The following MMP26 variants were observed in gnomAD, a reference collection of about 807,000 sequenced individuals.
MMP26 encodes matrix metalloproteinase-26.
In MMP26, 33 loss-of-function variants were observed where a neutral mutation model predicts 31.0. The ratio of observed to expected loss-of-function variants is 1.06; its 90% CI spans 0.81 to 1.42. MMP26 has a LOEUF of 1.42. Among genes scored for constraint, MMP26 ranks in the 40% most tolerant of loss-of-function variants. MMP26 has a pLI of 0.00. For synonymous variants in MMP26, 122 were observed against 114.9 expected (o/e 1.06, Z -0.40); for missense variants, 347 against 316.1 (o/e 1.10, Z -0.74).
chr11:4,800,509 T>C (rs1589904367), intron 2 of MMP26, among the ~76,000 whole-genome samples: 2 of 152,298 alleles, frequency 1.3e-5, no homozygotes, highest in South Asian at 2.1e-4. Flanking sequence ...TCTAGGCCTG[T>C]GGTGGGATGG....
chr11:4,853,863 G>A (rs1346911327), intron 2 of MMP26, among the ~76,000 whole-genome samples: 1 of 152,014 alleles, frequency 6.6e-6, no homozygotes, highest in Non-Finnish European at 1.5e-5. Context: ...TTTTCCTGAA[G>A]TAAATAGACA....
chr11:4,923,555 A>G (rs749366385), intron 2 of MMP26: 3 of 1,614,048 alleles, frequency 1.9e-6, no homozygotes, highest in African/African-American at 1.3e-5. Flanking sequence ...GCGATGCACA[A>G]GAGACAAGCC....
intron 1 of MMP26, among the ~76,000 whole-genome samples, chr11:4,716,664 T>TTTC (rs1847935128): frequency 2.4e-5 from 3 of 127,596 alleles, no homozygotes; most frequent in Non-Finnish European, 3.4e-5. Context: ...TTTTTTTTTT[T>TTTC]TTTTTTTTTT....
chr11:4,908,669 A>C (rs1850944977), intron 2 of MMP26: 1 of 311,308 alleles, frequency 3.2e-6, no homozygotes, highest in Non-Finnish European at 6.1e-6. Flanking sequence ...CTAATCTCAT[A>C]CTGTCAAGGA....
rs1846967634 is a variant in MMP26, at chr11:4,989,791, C to T, written c.243C>T (p.His81=). 6.2e-7 allele frequency: 1 copy of T among 1,613,732 alleles called. No homozygotes were observed. Among genetic ancestry groups the T allele is most frequent in the Non-Finnish European group, 8.5e-7 (1 of 1,180,040 alleles). The change falls in exon 4 of 8, where the codon CAC becomes CAT. Residue 81 remains histidine (H), a synonymous_variant. Coordinates refer to ENST00000380390, the MANE Select transcript of MMP26 (RefSeq NM_021801.5). ...MQMHALLHQP[H]CGVPDGSDTS... ...TGCATGCTCTGCTACACCAGCCCCA[C>T]TGTGGGGTGCCTGATGGGTCCGACA...
intron 1 of MMP26, among the ~76,000 whole-genome samples, chr11:4,751,505 T>C (rs1006613681): frequency 3.3e-5 from 5 of 152,044 alleles, no homozygotes; most frequent in African/African-American, 1.2e-4. Flanking sequence ...AACAGTAAAG[T>C]CCACCATGAA....
At chr11:4,918,809 A>AT (rs1851137792) in intron 2 of MMP26, among the ~76,000 whole-genome samples, 1 of 152,216 alleles carries the variant, frequency 6.6e-6, no homozygotes, top group Non-Finnish European at 1.5e-5. Context: ...ACACTTTGTG[A>AT]TCACTCAGGG....
intron 2 of MMP26, among the ~76,000 whole-genome samples, chr11:4,911,436 T>C (rs1421507809): frequency 6.6e-6 from 1 of 152,124 alleles, no homozygotes; most frequent in Non-Finnish European, 1.5e-5. Flanking sequence ...CCTATTAATT[T>C]TTACAGAAAT....
intron 2 of MMP26, among the ~76,000 whole-genome samples, chr11:4,826,355 G>C (rs904294149): frequency 4.6e-5 from 7 of 152,102 alleles, no homozygotes; most frequent in African/African-American, 1.7e-4. Context: ...TACCTTGCTA[G>C]AAGACTAGTC....
At chr11:4,798,217 C>A (rs900674684) in intron 2 of MMP26, among the ~76,000 whole-genome samples, 2 of 152,220 alleles carry the variant, frequency 1.3e-5, no homozygotes, top group Non-Finnish European at 2.9e-5. Context: ...AGGGAAGAGA[C>A]AAGCTCTGCA....
intron 1 of MMP26, among the ~76,000 whole-genome samples, chr11:4,764,034 TA>T (rs1331964966): frequency 6.6e-6 from 1 of 152,216 alleles, no homozygotes; most frequent in Non-Finnish European, 1.5e-5. Context: ...CTCTGCCTAA[TA>T]AAGTAAGATT....
At chr11:4,829,149 T>C (rs892681546) in intron 2 of MMP26, among the ~76,000 whole-genome samples, 8 of 152,194 alleles carry the variant, frequency 5.3e-5, no homozygotes, top group African/African-American at 1.9e-4. Context: ...AAAAGGCTAC[T>C]AAATACCAAA....
chr11:4,983,102 T>C (rs1206546397), intron 2 of MMP26, among the ~76,000 whole-genome samples: 1 of 152,226 alleles, frequency 6.6e-6, no homozygotes, highest in Admixed American at 6.5e-5. Flanking sequence ...ACACCAGTAA[T>C]ATGCCATTCT....
chr11:4,991,616 C>T, intron 6 of MMP26, 120 bp downstream of exon 6: 1 of 1,262,454 alleles, frequency 7.9e-7, no homozygotes, highest in Non-Finnish European at 1.1e-6. Context: ...GCTGAGGAAT[C>T]AGGTCTTCTT....
At chr11:4,954,490 T>TA (rs58148363) in intron 2 of MMP26, among the ~76,000 whole-genome samples, 25,307 of 123,710 alleles carry the variant, frequency 0.2, 7,899 homozygotes, top group Non-Finnish European at 0.25. Context: ...GTCAGAACTG[T>TA]AAAAATTATC....
At chr11:4,768,159 A>G (rs1292470131) in intron 2 of MMP26, among the ~76,000 whole-genome samples, 9 of 152,234 alleles carry the variant, frequency 5.9e-5, no homozygotes, top group Admixed American at 5.9e-4. Flanking sequence ...CTAAGGGACC[A>G]CAATGCAGAA....
chr11:4,900,949 T>A (rs1850790963), intron 2 of MMP26, among the ~76,000 whole-genome samples: 1 of 152,120 alleles, frequency 6.6e-6, no homozygotes, highest in African/African-American at 2.4e-5. Flanking sequence ...TCAAAGTCAC[T>A]CCTTAATGGA....
chr11:4,822,030 T>C (rs755639734), intron 2 of MMP26: 1 of 1,613,966 alleles, frequency 6.2e-7, no homozygotes, highest in South Asian at 1.1e-5. Context: ...TTGGTCTGTT[T>C]GCGCTTTTGT....
intron 1 of MMP26, among the ~76,000 whole-genome samples, chr11:4,726,042 C>A (rs1252219913): frequency 6.6e-6 from 1 of 152,118 alleles, no homozygotes; most frequent in African/African-American, 2.4e-5. Context: ...AGCACATTCA[C>A]CAGACCAAAA....
Sources: allele counts gnomAD v4.1 joint callset (sites outside exome capture counted in the v4.1 genomes callset), GRCh38; gene constraint gnomAD v4.1.1; transcripts MANE v1.5; gene names NCBI Gene and HGNC (gene_info 2026-07-23, HGNC 2026-07-21).